Variants in TFCP2 observed in about 807,000 individuals in gnomAD.
TFCP2 encodes transcription factor CP2, also known as alpha-globin transcription factor CP2.
In TFCP2, 33 loss-of-function variants were observed where a neutral mutation model predicts 73.4. That is an observed-to-expected ratio of 0.45 (90% confidence interval 0.34 to 0.60). TFCP2 has a LOEUF of 0.60. TFCP2 is among the 20% of genes least tolerant of loss of function. The pLI is 0.01. For synonymous variants in TFCP2, 193 were observed against 211.6 expected (o/e 0.91, Z 0.76); for missense variants, 352 against 604.0 (o/e 0.58, Z 4.37).
rs767694517 is a variant in TFCP2 at position 51,103,662 on chromosome 12, A to T, written c.1060+8T>A. On this transcript the variant is annotated splice_region_variant and intron_variant, in intron 10 of 14. Coordinates refer to ENST00000257915, the MANE Select transcript of TFCP2 (RefSeq NM_005653.5). ...GCTAGGGAAAACAAAAGAAAAAGAA[A>T]ATTTAACCTGAGAAGTTTGTGAAAA... is the stretch of plus-strand genomic sequence containing the variant. 1.2e-6 allele frequency: 2 copies of T among 1,609,478 alleles called. No individual in the cohort carries two copies. The highest frequency in any genetic ancestry group is 2.2e-5 in the South Asian group (2 of 90,124).
At chr12:51,146,774 T>A (rs1941306810) in intron 1 of TFCP2, among the ~76,000 whole-genome samples, 1 of 152,244 alleles carries the variant, frequency 6.6e-6, no homozygotes, top group Non-Finnish European at 1.5e-5. Flanking sequence ...TCTGAATTCC[T>A]ATAGCACTTC....
At chr12:51,171,673 C>G (rs1373260823) in intron 1 of TFCP2, among the ~76,000 whole-genome samples, 1 of 152,202 alleles carries the variant, frequency 6.6e-6, no homozygotes, top group South Asian at 2.1e-4. Flanking sequence ...CCACCGCACC[C>G]GGCCGAAAGG....
chr12:51,125,289 A>G (rs918599621), intron 1 of TFCP2: 13 of 554,602 alleles, frequency 2.3e-5, no homozygotes, highest in African/African-American at 2.3e-4. Flanking sequence ...TCCTGGAATC[A>G]GTCAAAGATG....
intron 1 of TFCP2, among the ~76,000 whole-genome samples, chr12:51,157,985 AT>A (rs60512717): frequency 1.1e-4 from 17 of 149,682 alleles, no homozygotes; most frequent in African/African-American, 3.4e-4. Context: ...ACCCATTTTA[AT>A]TTTTTTTTCC....
intron 1 of TFCP2, among the ~76,000 whole-genome samples, chr12:51,168,902 T>C (rs934951562): frequency 6.6e-6 from 1 of 151,830 alleles, no homozygotes; most frequent in Non-Finnish European, 1.5e-5. Flanking sequence ...CCCGGGTTCA[T>C]GCAAGTCTCC....
chr12:51,159,590 T>C (rs565600580), intron 1 of TFCP2, among the ~76,000 whole-genome samples: 6 of 152,122 alleles, frequency 3.9e-5, no homozygotes, highest in East Asian at 1.9e-4. Flanking sequence ...AGCGCTGGGA[T>C]TGCAGGCGTG....
At chr12:51,130,767 A>C (rs954791051) in intron 1 of TFCP2, among the ~76,000 whole-genome samples, 3 of 152,100 alleles carry the variant, frequency 2.0e-5, no homozygotes, top group Non-Finnish European at 4.4e-5. Flanking sequence ...CAGGTGAATC[A>C]CCTGAGGTCA....
chr12:51,145,792 A>T (rs1254431200), intron 1 of TFCP2, among the ~76,000 whole-genome samples: 1 of 151,038 alleles, frequency 6.6e-6, no homozygotes, highest in Non-Finnish European at 1.5e-5. Context: ...CTCCACAAAA[A>T]ATACAAAAAA....
At chr12:51,160,482 T>C (rs1941625794) in intron 1 of TFCP2, among the ~76,000 whole-genome samples, 1 of 152,030 alleles carries the variant, frequency 6.6e-6, no homozygotes, top group Non-Finnish European at 1.5e-5. Context: ...AAGAATGAAA[T>C]TATCTTTTAA....
At chr12:51,147,132 C>T (rs970338178) in intron 1 of TFCP2, among the ~76,000 whole-genome samples, 2 of 152,118 alleles carry the variant, frequency 1.3e-5, no homozygotes, top group Non-Finnish European at 2.9e-5. Flanking sequence ...CACCTGAGGT[C>T]GGAAGTGCGA....
At chr12:51,125,803 TAC>T (rs1940799457) in intron 1 of TFCP2, among the ~76,000 whole-genome samples, 3 of 152,120 alleles carry the variant, frequency 2.0e-5, no homozygotes, top group Admixed American at 2.0e-4. Flanking sequence ...AATATAAAGA[TAC>T]AGAAATCACA....
chr12:51,170,133 G>A lies in TFCP2; in HGVS notation c.122+2168C>T, dbSNP rs888890113. On this transcript the variant is annotated intron_variant, in intron 1 of 14. Transcript: ENST00000257915. ...TGTCAGACGCTCATGTGTAAGTTCA[G>A]GGTCAGGGCACTTACTTTCAGACCA... Among the ~76,000 whole-genome samples the A allele has an allele frequency of 2.6e-5, 4 of 152,138 alleles. No homozygotes were observed. In the East Asian group the frequency reaches 5.8e-4, roughly 22 times the overall value.
intron 1 of TFCP2, among the ~76,000 whole-genome samples, chr12:51,119,415 G>C (rs1256913548): frequency 6.6e-6 from 1 of 152,188 alleles, no homozygotes; most frequent in East Asian, 1.9e-4. Context: ...AATGTACAAT[G>C]ACATAAAACA....
chr12:51,139,422 G>A (rs1276912915), intron 1 of TFCP2, among the ~76,000 whole-genome samples: 3 of 152,080 alleles, frequency 2.0e-5, no homozygotes, highest in African/African-American at 7.2e-5. Context: ...CCAGGCTGGA[G>A]AGCAGTGGCG....
intron 11 of TFCP2, among the ~76,000 whole-genome samples, chr12:51,100,874 A>G (rs1221415427): frequency 6.6e-6 from 1 of 152,254 alleles, no homozygotes; most frequent in Non-Finnish European, 1.5e-5. Context: ...CTGTTTTACT[A>G]TGTAGTCACT....
At chr12:51,161,726 G>T (rs1941653229) in intron 1 of TFCP2, among the ~76,000 whole-genome samples, 1 of 125,866 alleles carries the variant, frequency 7.9e-6, no homozygotes, top group Non-Finnish European at 1.6e-5. Flanking sequence ...TCGCACCACT[G>T]CACTCCAGCC....
chr12:51,133,972 A>G (rs538438049), intron 1 of TFCP2, among the ~76,000 whole-genome samples: 39 of 152,188 alleles, frequency 2.6e-4, no homozygotes, highest in Middle Eastern at 3.4e-3. Flanking sequence ...GAATTTGAAC[A>G]ATATGGCCAG....
Position 51,152,217 on chromosome 12 carries a change from C to T in TFCP2, c.122+20084G>A, listed in dbSNP as rs139208433. Among the ~76,000 whole-genome samples the T allele has an allele frequency of 3.5e-4, 54 of 152,314 alleles. No individual in the cohort carries two copies. The East Asian group carries it at 9.1e-3, about 26-fold the overall frequency. Reference sequence around the variant, plus strand: ...ATACGCAGAGAACTCAGCATCACTTCTTAGGTATTAATGCCCAACGTGCAT... The same window carrying T: ...ATACGCAGAGAACTCAGCATCACTTTTTAGGTATTAATGCCCAACGTGCAT... On this transcript the variant is annotated intron_variant, in intron 1 of 14. Coordinates refer to ENST00000257915, the MANE Select transcript of TFCP2 (RefSeq NM_005653.5).
At chr12:51,120,656 T>C (rs937522931) in intron 1 of TFCP2, among the ~76,000 whole-genome samples, 10 of 151,936 alleles carry the variant, frequency 6.6e-5, no homozygotes, top group African/African-American at 2.4e-4. Context: ...GGGCTAGGTG[T>C]GGTGGCTCAC....
Sources: gnomAD v4.1 joint callset for allele counts (sites outside exome capture counted in the v4.1 genomes callset) on GRCh38, gnomAD v4.1.1 for gene constraint, MANE v1.5 for transcripts, NCBI Gene and HGNC (gene_info 2026-07-23, HGNC 2026-07-21) for gene names.